GARS1: variants seen among roughly 807,000 people sequenced by gnomAD.
The protein encoded by GARS1 is glycyl-tRNA synthetase 1.
A neutral mutation model predicts 86.4 loss-of-function variants in GARS1; 46 were observed. The ratio of observed to expected loss-of-function variants is 0.53; its 90% CI spans 0.42 to 0.68. GARS1 has a LOEUF of 0.68. GARS1 is among the 30% of genes least tolerant of loss of function. The pLI is 0.00. For missense variants in GARS1, 797 were observed against 915.6 expected, an observed-to-expected ratio of 0.87 and a Z score of 1.67; for synonymous variants, 342 against 329.8, an observed-to-expected ratio of 1.04 and a Z score of -0.40.
At chr7:30,622,606 G>C in intron 12 of GARS1, 144 bp downstream of exon 12, 2 of 973,402 alleles carry the variant, frequency 2.1e-6, no homozygotes, top group Non-Finnish European at 3.2e-6. Flanking sequence ...TCTTTGCCGA[G>C]ATTTTGGCAT....
At chr7:30,595,290 C>T (rs990351892) in intron 1 of GARS1, 147 bp downstream of exon 1, 1 of 831,432 alleles carries the variant, frequency 1.2e-6, no homozygotes, top group African/African-American at 1.7e-5. Flanking sequence ...CTTCGCCTCC[C>T]CCACTTTGGT....
At chr7:30,615,847 T>C in intron 8 of GARS1, 49 bp from the exon 9 acceptor site, 1 of 1,603,000 alleles carries the variant, frequency 6.2e-7, no homozygotes, top group Non-Finnish European at 8.5e-7. Flanking sequence ...TGTTTGTTTG[T>C]TTTTTGTAGT....
At chr7:30,596,428 A>C (rs1791247894) in intron 1 of GARS1, among the ~76,000 whole-genome samples, 1 of 152,060 alleles carries the variant, frequency 6.6e-6, no homozygotes. Flanking sequence ...GTCTTTTCTT[A>C]ACTTGCCATT....
chr7:30,611,777 C>T (rs933504639), intron 7 of GARS1, among the ~76,000 whole-genome samples: 2 of 152,196 alleles, frequency 1.3e-5, no homozygotes, highest in African/African-American at 2.4e-5. Context: ...AGCGACTGCG[C>T]GCGGCCTGAG....
At position 30,632,031 on chromosome 7, in the gene GARS1, C is replaced by T. The variant is rs1468381975; in HGVS notation, c.1904-216C>T. Reference sequence around the variant, plus strand: ...GGCTCTTGGTCCCATATTTGTTCCCCCTATAGCTGTATCAGATGGAGGTAT... The same window carrying T: ...GGCTCTTGGTCCCATATTTGTTCCCTCTATAGCTGTATCAGATGGAGGTAT... On this transcript the variant is annotated intron_variant, in intron 15 of 16. Coordinates refer to ENST00000389266, the MANE Select transcript of GARS1 (RefSeq NM_002047.4). This position sits in a 1 kb window ranked among gnomAD's most constrained non-coding sequence, Gnocchi z 4.1. The T allele has an allele frequency of 3.5e-6, 2 of 569,870 alleles. No individual in the cohort carries two copies. The highest frequency in any genetic ancestry group is 3.1e-6 in the Non-Finnish European group (1 of 317,816). 35.3% of individuals were successfully genotyped at this position (569,870 alleles called of 1,614,324 possible). A position where few individuals can be genotyped will look rare whatever the true frequency, so the allele number is the denominator to read the frequency against.
chr7:30,622,254 C>T (rs1783027551), intron 11 of GARS1, 63 bp from the exon 12 acceptor site: 2 of 1,591,746 alleles, frequency 1.3e-6, no homozygotes, highest in Admixed American at 1.7e-5. Context: ...TGATTGTTCT[C>T]AGGCTCATTT....
Position 30,598,883 on chromosome 7 carries a change from G to T in GARS1, c.310G>T (p.Val104Phe), listed in dbSNP as rs1171262052. 6.2e-7 allele frequency: 1 copy of T among 1,613,918 alleles called. No individual in the cohort carries two copies. Among genetic ancestry groups the T allele is most frequent in the Non-Finnish European group, 8.5e-7 (1 of 1,179,796 alleles). Reference protein sequence around the residue: ...AVAELKARKRVLEAKELALQP... With the variant: ...AVAELKARKRFLEAKELALQP... ...GGCTGAGCTCAAAGCCCGCAAGAGG[G>T]TTCTGGAAGCAAAGGTGAGTCCTGG... Residue 104 changes from valine (V) to phenylalanine (F), a missense_variant, in exon 2 of 17, where the codon GTT (valine) becomes TTT (phenylalanine). Val to Phe is a conservative substitution (Grantham distance 50). This residue lies in a region of GARS1 where 199 missense variants were observed against 176.9 expected (regional missense o/e 1.12). Transcript: ENST00000389266.
chr7:30,631,556 T>C lies in GARS1; in HGVS notation c.1903+15T>C, dbSNP rs577838983. 2.4e-5 allele frequency: 37 copies of C among 1,544,600 alleles called. No homozygotes were observed. Among genetic ancestry groups the C allele is most frequent in the Admixed American group, 8.3e-5 (5 of 59,896 alleles). On this transcript the variant is annotated intron_variant, in intron 15 of 16. Transcript: ENST00000389266. ...CAAGGAATTATGTAAGCAAATTCAA[T>C]TGGGTAAACTCCATGGGAACACCAT...
chr7:30,595,751 G>C (rs1451562342), intron 1 of GARS1: 3 of 471,030 alleles, frequency 6.4e-6, no homozygotes, highest in Non-Finnish European at 1.3e-5. Context: ...ATGTGGGGAG[G>C]TGTCGAACTT....
Position 30,612,148 on chromosome 7 carries a change from T to C in GARS1, c.934T>C (p.Leu312=), listed in dbSNP as rs1782769786. Reference sequence around the variant, plus strand: ...GATTTTCTTGAATTTCAAACGACTTTTGGAGTTCAACCAAGGAAAGTTGCC... The same window carrying C: ...GATTTTCTTGAATTTCAAACGACTTCTGGAGTTCAACCAAGGAAAGTTGCC... The part of the protein sequence containing the change: ...QGIFLNFKRL[L]EFNQGKLPFA... Residue 312 remains leucine, a synonymous_variant, in exon 8 of 17, where the codon TTG becomes CTG. Transcript: ENST00000389266. 6.2e-7 allele frequency: 1 copy of C among 1,614,114 alleles called. No individual in the cohort carries two copies. The highest frequency in any genetic ancestry group is 8.5e-7 in the Non-Finnish European group (1 of 1,179,972).
At chr7:30,617,058 G>A in intron 9 of GARS1, 56 bp from the exon 10 acceptor site, 4 of 1,567,702 alleles carry the variant, frequency 2.6e-6, no homozygotes, top group Non-Finnish European at 3.5e-6. Flanking sequence ...TGGCTTTGAA[G>A]AGTATTAATG....
At chr7:30,604,842 G>T (rs1047864581) in intron 6 of GARS1, among the ~76,000 whole-genome samples, 3 of 152,136 alleles carry the variant, frequency 2.0e-5, no homozygotes, top group African/African-American at 7.2e-5. Flanking sequence ...TTTCCATTCA[G>T]AATTTTAGAT....
In GARS1 at chr7:30,609,665, A is replaced by G. The variant is rs777128525; in HGVS notation, c.816A>G (p.Leu272=). The change falls in exon 7 of 17, where the codon CTA becomes CTG. Residue 272 remains leucine, a synonymous_variant. Transcript: ENST00000389266. ...AATCTCCCATTACTGGAAATGATCTATCCCCTCCAGTGTCTTTTAACTTAA... is the reference window on the plus strand; with the variant it reads ...AATCTCCCATTACTGGAAATGATCTGTCCCCTCCAGTGTCTTTTAACTTAA... The part of the protein sequence containing the change: ...NVKSPITGND[L]SPPVSFNLMF... 96 of 1,613,314 alleles carry G rather than the reference A, an allele frequency of 6.0e-5. 1 individual carries two copies. The highest frequency in any genetic ancestry group is 3.3e-4 in the Middle Eastern group (2 of 6,080).
intron 1 of GARS1, 54 bp from the exon 2 acceptor site, chr7:30,598,742 A>G: frequency 6.9e-7 from 1 of 1,448,598 alleles, no homozygotes; most frequent in Non-Finnish European, 9.7e-7. Flanking sequence ...CACATTCCTA[A>G]CATTTCTTAA....
chr7:30,601,788 T>A (rs1356453067), intron 4 of GARS1, among the ~76,000 whole-genome samples: 1 of 151,906 alleles, frequency 6.6e-6, no homozygotes, highest in African/African-American at 2.4e-5. Context: ...TTCCTTTTTT[T>A]GTGTGTGTGA....
At chr7:30,628,492 T>C (rs1374746991) in intron 13 of GARS1, 68 bp from the exon 14 acceptor site, 2 of 1,208,524 alleles carry the variant, frequency 1.7e-6, no homozygotes, top group African/African-American at 3.0e-5. Context: ...GTGAATTGTT[T>C]AGAGAGAATC....
rs1234343696 is a variant in GARS1, at chr7:30,612,117, A to T, written c.903A>T (p.Ala301=). The change falls in exon 8 of 17, where the codon GCA becomes GCT. Residue 301 remains alanine, a synonymous_variant. Transcript: ENST00000389266. ...ATAGGTACTTGAGACCAGAAACTGC[A>T]CAGGGGATTTTCTTGAATTTCAAAC... is the stretch of plus-strand genomic sequence containing the variant. ...NMPGYLRPET[A]QGIFLNFKRL... The T allele has an allele frequency of 3.7e-6, 6 of 1,614,038 alleles. No homozygotes were observed. The South Asian group carries it at 6.6e-5, about 18-fold the overall frequency.
intron 10 of GARS1, among the ~76,000 whole-genome samples, chr7:30,619,963 G>C (rs1782970584): frequency 6.6e-6 from 1 of 151,754 alleles, no homozygotes; most frequent in East Asian, 1.9e-4. Flanking sequence ...TTTTCATGAA[G>C]ACAGGATTTC....
intron 9 of GARS1, 106 bp downstream of exon 9, chr7:30,616,164 A>G (rs1283563188): frequency 7.5e-7 from 1 of 1,324,708 alleles, no homozygotes; most frequent in Admixed American, 1.8e-5. Flanking sequence ...TTTGGCAGTC[A>G]TTTGCTTTTT....
Sources: allele counts gnomAD v4.1 joint callset (sites outside exome capture counted in the v4.1 genomes callset), GRCh38; gene constraint gnomAD v4.1.1; regional missense constraint gnomAD v4.1.1; non-coding constraint Gnocchi (gnomAD v3.1); transcripts MANE v1.5; gene names NCBI Gene and HGNC (gene_info 2026-07-23, HGNC 2026-07-21).